Variants in TRPV2 observed in about 807,000 individuals in gnomAD.
TRPV2 encodes transient receptor potential cation channel subfamily V member 2, also known as OTRPC2.
A neutral mutation model predicts 91.0 loss-of-function variants in TRPV2; 58 were observed. That is an observed-to-expected ratio of 0.64 (90% confidence interval 0.52 to 0.79). The LOEUF is 0.79. Among genes scored for constraint, TRPV2 ranks in the 30% least tolerant of loss-of-function variants. The probability of loss-of-function intolerance (pLI) is 0.00; values close to 1 mark genes in which losing one functional copy is unlikely to be tolerated. For synonymous variants in TRPV2, 417 were observed against 414.8 expected (o/e 1.01, Z -0.06); for missense variants, 807 against 969.6 (o/e 0.83, Z 2.23).
chr17:16,422,385 G>A lies in TRPV2; in HGVS notation c.335-214G>A, dbSNP rs532532658. Among the ~76,000 whole-genome samples, 3 of 152,116 alleles carry A rather than the reference G, an allele frequency of 2.0e-5. No individual in the cohort carries two copies. The South Asian group carries it at 6.2e-4, about 32-fold the overall frequency. The stretch of plus-strand genomic sequence containing the variant: ...GAAAAAAAAAGAAATTTCGTTTCTA[G>A]GGCAGAAATTGTAGTCATGTCTGTT... On this transcript the variant is annotated intron_variant, in intron 3 of 14. Coordinates refer to ENST00000338560, the MANE Select transcript of TRPV2 (RefSeq NM_016113.5).
At position 16,434,207 on chromosome 17, in the gene TRPV2, G is replaced by A. The variant is rs8074869; in HGVS notation, c.2114+509G>A. On this transcript the variant is annotated intron_variant, in intron 13 of 14. Coordinates refer to ENST00000338560, the MANE Select transcript of TRPV2 (RefSeq NM_016113.5). ...CTGTCGGCCGGGTGCAGTGGCTCAT[G>A]CCTGTAATCCCAGCACTTTGGGAGG... 3.7e-3 allele frequency among the ~76,000 whole-genome samples: 557 copies of A among 152,136 alleles called. 1 individual carries two copies. The highest frequency in any genetic ancestry group is 0.013 in the African/African-American group (521 of 41,516).
chr17:16,425,408 T>C (rs1422893449), intron 5 of TRPV2, among the ~76,000 whole-genome samples: 1 of 152,244 alleles, frequency 6.6e-6, no homozygotes, highest in Non-Finnish European at 1.5e-5. Flanking sequence ...GCCCCCACTT[T>C]GTTCCAGATA....
At chr17:16,416,959 G>T (rs1455542554) in intron 1 of TRPV2, among the ~76,000 whole-genome samples, 1 of 152,204 alleles carries the variant, frequency 6.6e-6, no homozygotes, top group Non-Finnish European at 1.5e-5. Context: ...GTAAAGAAAG[G>T]GTTGTGCTGT....
chr17:16,428,606 C>T (rs1440621094), intron 9 of TRPV2: 1 of 704,686 alleles, frequency 1.4e-6, no homozygotes, highest in Non-Finnish European at 2.4e-6. Context: ...TACTAGGCCT[C>T]GGCACATACC....
chr17:16,418,608 C>T (rs1170781208), intron 2 of TRPV2, among the ~76,000 whole-genome samples: 1 of 152,038 alleles, frequency 6.6e-6, no homozygotes, highest in East Asian at 1.9e-4. Flanking sequence ...TGCTGGAGGA[C>T]AGTGGTCAGA....
At position 16,423,736 on chromosome 17, in the gene TRPV2, T is replaced by C. The variant is rs781243863; in HGVS notation, c.893T>C (p.Leu298Pro). 3.8e-6 allele frequency: 6 copies of C among 1,594,028 alleles called. No individual in the cohort carries two copies. The highest frequency in any genetic ancestry group is 5.1e-6 in the Non-Finnish European group (6 of 1,165,728). Residue 298 changes from leucine (L) to proline (P), a missense_variant, in exon 5 of 15, where the codon CTG becomes CCG. Physicochemically the swap from Leu to Pro is moderately conservative, Grantham distance 98. Transcript: ENST00000338560. ...DIRNLQDLTP[L>P]KLAAKEGKIE... ...CGCAACCTGCAGGATCTCACGCCTCTGAAGCTGGCCGCCAAGGAGGGCAAG... is the reference window on the plus strand; with the variant it reads ...CGCAACCTGCAGGATCTCACGCCTCCGAAGCTGGCCGCCAAGGAGGGCAAG...
At chr17:16,427,362 C>A (rs1434933499) in intron 7 of TRPV2, 87 bp from the exon 8 acceptor site, 44 of 1,311,202 alleles carry the variant, frequency 3.4e-5, no homozygotes, top group Non-Finnish European at 4.4e-5. Context: ...AGCTCAGGCT[C>A]AGAGTAGGCC....
At position 16,435,708 on chromosome 17, in the gene TRPV2, T is replaced by A. The variant is rs1223098287; in HGVS notation, c.2194+739T>A. Among the ~76,000 whole-genome samples, 3 of 152,166 alleles carry A rather than the reference T, an allele frequency of 2.0e-5. No individual in the cohort carries two copies. In the East Asian group the frequency reaches 5.8e-4, roughly 29 times the overall value. ...CCATCTCTTTCCTGACAAATTTCAC[T>A]TGCTTGTGCCTGTTGCCCCCCACAA... On this transcript the variant is annotated intron_variant, in intron 14 of 14. Coordinates refer to ENST00000338560, the MANE Select transcript of TRPV2 (RefSeq NM_016113.5). The surrounding 1 kb of genome is among the most constrained non-coding windows in gnomAD (Gnocchi z 4.2).
rs1438726858 is a variant in TRPV2 at position 16,431,953 on chromosome 17, C to T, written c.1655-13C>T. On this transcript the variant is annotated splice_polypyrimidine_tract_variant and intron_variant, in intron 11 of 14. Coordinates refer to ENST00000338560, the MANE Select transcript of TRPV2 (RefSeq NM_016113.5). The stretch of plus-strand genomic sequence containing the variant: ...TCTCCTGGGCTAAGGACCCCTCTCC[C>T]TTCATCCCATAGCCCTGGTGAGCCT... 1 of 1,609,028 alleles carries T rather than the reference C, an allele frequency of 6.2e-7. No homozygotes were observed. The highest frequency in any genetic ancestry group is 1.3e-5 in the African/African-American group (1 of 74,788).
intron 13 of TRPV2, among the ~76,000 whole-genome samples, chr17:16,434,214 A>G (rs1008664263): frequency 5.3e-5 from 8 of 152,172 alleles, no homozygotes; most frequent in Non-Finnish European, 8.8e-5. Flanking sequence ...CATGCCTGTA[A>G]TCCCAGCACT....
At chr17:16,419,506 C>T (rs936120147) in intron 2 of TRPV2, 5 of 443,506 alleles carry the variant, frequency 1.1e-5, no homozygotes, top group African/African-American at 4.1e-5. Flanking sequence ...TGCTGAGATT[C>T]CCAGTTTGGC....
intron 3 of TRPV2, among the ~76,000 whole-genome samples, chr17:16,421,464 C>T (rs996588533): frequency 3.3e-5 from 5 of 151,652 alleles, no homozygotes; most frequent in East Asian, 1.9e-4. Context: ...GTGATCCGCC[C>T]GCCTTGGCCT....
At chr17:16,436,302 C>T (rs2093433765) in intron 14 of TRPV2, among the ~76,000 whole-genome samples, 1 of 152,226 alleles carries the variant, frequency 6.6e-6, no homozygotes, top group Non-Finnish European at 1.5e-5. Flanking sequence ...GAAGGCCGCA[C>T]TGCTCAGAAT....
intron 8 of TRPV2, 102 bp from the exon 9 acceptor site, chr17:16,428,215 G>A: frequency 9.4e-7 from 1 of 1,065,490 alleles, no homozygotes; most frequent in Non-Finnish European, 1.4e-6. Flanking sequence ...CAAAGCTGCT[G>A]ACTTAGCTCT....
chr17:16,420,839 C>T (rs1016261406), intron 3 of TRPV2, among the ~76,000 whole-genome samples: 4 of 152,072 alleles, frequency 2.6e-5, no homozygotes, highest in South Asian at 2.1e-4. Flanking sequence ...TGGCCTCAAA[C>T]TCCTGGGCTC....
chr17:16,425,833 T>C (rs2093380366), intron 5 of TRPV2, among the ~76,000 whole-genome samples: 1 of 152,136 alleles, frequency 6.6e-6, no homozygotes, highest in African/African-American at 2.4e-5. Flanking sequence ...CAATCTGCCA[T>C]TTGAGGAGTT....
intron 9 of TRPV2, 109 bp from the exon 10 acceptor site, chr17:16,428,708 G>C (rs1050654537): frequency 7.7e-7 from 1 of 1,292,656 alleles, no homozygotes; most frequent in African/African-American, 1.5e-5. Flanking sequence ...GCCCACAGAG[G>C]TTAAATGTCT....
intron 10 of TRPV2, among the ~76,000 whole-genome samples, 198 bp downstream of exon 10, chr17:16,429,180 G>T (rs114307070): frequency 4.6e-5 from 7 of 152,338 alleles, no homozygotes; most frequent in Admixed American, 1.3e-4. Context: ...GCAAACAAAC[G>T]TACATATGTG....
At chr17:16,434,122 G>A (rs1198852851) in intron 13 of TRPV2, among the ~76,000 whole-genome samples, 4 of 152,128 alleles carry the variant, frequency 2.6e-5, no homozygotes, top group African/African-American at 9.7e-5. Flanking sequence ...TCTGTGTCCA[G>A]GAAAGGCTGG....
Sources: allele counts gnomAD v4.1 joint callset (sites outside exome capture counted in the v4.1 genomes callset), GRCh38; gene constraint gnomAD v4.1.1; non-coding constraint Gnocchi (gnomAD v3.1); transcripts MANE v1.5; gene names NCBI Gene and HGNC (gene_info 2026-07-23, HGNC 2026-07-21).